The following LRRC37A2 variants were observed in gnomAD, a reference collection of about 807,000 sequenced individuals.
LRRC37A2 encodes the protein leucine-rich repeat-containing protein 37A2.
Under a neutral mutation model 68.8 loss-of-function variants are expected in LRRC37A2, and 9 were observed. The ratio of observed to expected loss-of-function variants is 0.13; its 90% CI spans 0.08 to 0.23. The LOEUF is 0.23. LRRC37A2 is among the 10% of genes least tolerant of loss of function. The pLI is 1.00. For synonymous variants in LRRC37A2, 63 were observed against 367.6 expected, an observed-to-expected ratio of 0.17 and a Z score of 9.48; for missense variants, 168 against 950.4, an observed-to-expected ratio of 0.18 and a Z score of 10.82.
chr17:46,978,639 T>C, the LRRC37A2 span: 38 of 1,587,636 alleles, frequency 2.4e-5, no homozygotes, highest in Non-Finnish European at 3.2e-5. Flanking sequence ...CGGACCCAGA[T>C]GGCGCTCAGT....
the LRRC37A2 span, among the ~76,000 whole-genome samples, chr17:47,001,981 C>T: frequency 0.23 from 34,663 of 151,796 alleles, 4,606 homozygotes; most frequent in East Asian, 0.55. Context: ...TCAAGTGATC[C>T]GCCCACCTCG....
chr17:46,957,451 A>G, the LRRC37A2 span, among the ~76,000 whole-genome samples: 3 of 152,130 alleles, frequency 2.0e-5, no homozygotes, highest in Non-Finnish European at 4.4e-5. Context: ...CATCTCTACT[A>G]AAAATACAAA....
the LRRC37A2 span, among the ~76,000 whole-genome samples, chr17:46,766,630 G>A: frequency 3.3e-5 from 5 of 152,068 alleles, no homozygotes; most frequent in African/African-American, 9.7e-5. Context: ...GAGCTACACC[G>A]AGGGGCTTCC....
the LRRC37A2 span, chr17:46,941,964 T>G: frequency 7.1e-6 from 7 of 985,108 alleles, no homozygotes; most frequent in Non-Finnish European, 8.4e-6. Flanking sequence ...ATGATCACAT[T>G]GGTGTAAAGA....
the LRRC37A2 span, among the ~76,000 whole-genome samples, chr17:46,765,939 G>A: frequency 3.3e-5 from 5 of 152,366 alleles, no homozygotes; most frequent in East Asian, 7.7e-4. Flanking sequence ...TTGGGAGAGT[G>A]TCCTCCACTG....
At chr17:47,024,585 A>G in the LRRC37A2 span, 3 of 848,082 alleles carry the variant, frequency 3.5e-6, no homozygotes, top group African/African-American at 3.3e-5. Context: ...TGAAGTGACC[A>G]TGACCCAGCT....
chr17:46,864,994 C>A, the LRRC37A2 span, among the ~76,000 whole-genome samples: 2 of 152,112 alleles, frequency 1.3e-5, no homozygotes, highest in East Asian at 3.9e-4. Flanking sequence ...AGCCTAGGAA[C>A]TGGGGTAGAT....
chr17:46,728,876 G>T, the LRRC37A2 span: 1 of 1,607,918 alleles, frequency 6.2e-7, no homozygotes, highest in Non-Finnish European at 8.5e-7. Flanking sequence ...ATTGGCCCTC[G>T]ATTTTCAAAT....
At chr17:46,598,908 C>T in the LRRC37A2 span, among the ~76,000 whole-genome samples, 2 of 143,556 alleles carry the variant, frequency 1.4e-5, no homozygotes, top group African/African-American at 5.3e-5. Context: ...CAACTTTCTG[C>T]AGTCTTACAT....
chr17:46,490,540 TG>T, the LRRC37A2 span, among the ~76,000 whole-genome samples: 2 of 150,728 alleles, frequency 1.3e-5, no homozygotes, highest in Non-Finnish European at 2.9e-5. Flanking sequence ...CTGGCCAACA[TG>T]GCGAAACCTC....
chr17:46,978,563 A>C, the LRRC37A2 span: 81 of 1,464,192 alleles, frequency 5.5e-5, no homozygotes, highest in Non-Finnish European at 7.4e-5. Flanking sequence ...AGGCGGCGGC[A>C]GAGCGCAGAG....
At chr17:46,932,124 C>G in the LRRC37A2 span, 1 of 1,614,004 alleles carries the variant, frequency 6.2e-7, no homozygotes, top group Non-Finnish European at 8.5e-7. Flanking sequence ...TCAGAAACTT[C>G]CAGCATCGGC....
At chr17:46,774,245 C>T in the LRRC37A2 span, among the ~76,000 whole-genome samples, 1 of 152,242 alleles carries the variant, frequency 6.6e-6, no homozygotes, top group Non-Finnish European at 1.5e-5. Flanking sequence ...TTTCCAGGTT[C>T]TGGGTCCAGC....
At chr17:46,905,339 G>A in the LRRC37A2 span, among the ~76,000 whole-genome samples, 3 of 152,266 alleles carry the variant, frequency 2.0e-5, no homozygotes, top group African/African-American at 7.2e-5. Flanking sequence ...GCCTCCCAAA[G>A]TGCTGGGATT....
the LRRC37A2 span, among the ~76,000 whole-genome samples, chr17:46,774,906 G>C: frequency 0.98 from 149,387 of 152,282 alleles, 73,325 homozygotes; most frequent in East Asian, 1. Context: ...GCAATCTGCT[G>C]TATGACCAGG....
the LRRC37A2 span, among the ~76,000 whole-genome samples, chr17:46,794,177 A>G: frequency 6.6e-6 from 1 of 151,996 alleles, no homozygotes; most frequent in Non-Finnish European, 1.5e-5. Context: ...GGGTGGATAA[A>G]CCACAAGACC....
At chr17:46,982,932 T>C in the LRRC37A2 span, among the ~76,000 whole-genome samples, 10 of 152,188 alleles carry the variant, frequency 6.6e-5, no homozygotes, top group African/African-American at 1.9e-4. Flanking sequence ...GTCCTGTTGG[T>C]GGTGCAGGAA....
At chr17:46,821,175 T>A in the LRRC37A2 span, 1 of 152,036 alleles carries the variant, frequency 6.6e-6, no homozygotes, top group Non-Finnish European at 1.5e-5. Context: ...AGGAAACAAG[T>A]GGGTTGAAGG....
At chr17:46,845,529 A>C in the LRRC37A2 span, among the ~76,000 whole-genome samples, 5 of 129,436 alleles carry the variant, frequency 3.9e-5, no homozygotes, top group Admixed American at 9.4e-5. Flanking sequence ...TTGCTCTGTC[A>C]CCCTGGCCAG....
Sources: allele counts gnomAD v4.1 joint callset (sites outside exome capture counted in the v4.1 genomes callset), GRCh38; gene constraint gnomAD v4.1.1; transcripts MANE v1.5; gene names NCBI Gene and HGNC (gene_info 2026-07-23, HGNC 2026-07-21).